The following ECHDC1 variants were observed in gnomAD, a reference collection of about 807,000 sequenced individuals.
The protein encoded by ECHDC1 is ethylmalonyl-CoA decarboxylase 1.
In ECHDC1, 29 loss-of-function variants were observed where a neutral mutation model predicts 29.7. That is an observed-to-expected ratio of 0.98 (90% CI 0.73 to 1.33). The LOEUF (loss-of-function observed/expected upper bound fraction) is 1.33, where lower values mean the gene tolerates loss of function less well. Among genes scored for constraint, ECHDC1 ranks in the 40% most tolerant of loss-of-function variants. ECHDC1 has a pLI of 0.00. For missense variants in ECHDC1, 328 were observed against 350.0 expected, an observed-to-expected ratio of 0.94 and a Z score of 0.50; for synonymous variants, 126 against 123.1, an observed-to-expected ratio of 1.02 and a Z score of -0.15.
chr6:127,292,130 T>C (rs1027020092), intron 5 of ECHDC1, among the ~76,000 whole-genome samples: 53 of 152,072 alleles, frequency 3.5e-4, no homozygotes, highest in Non-Finnish European at 1.6e-4. Context: ...CTGTTCTGAA[T>C]TGAATCCTAG....
intron 3 of ECHDC1, chr6:127,326,445 T>G (rs1783341692): frequency 2.4e-6 from 1 of 420,260 alleles, no homozygotes; most frequent in Non-Finnish European, 4.9e-6. Flanking sequence ...TTTAGAGCAG[T>G]GTGAGAACAG....
intron 5 of ECHDC1, 124 bp from the exon 6 acceptor site, chr6:127,290,401 A>T (rs1025759996): frequency 1.0e-6 from 1 of 978,816 alleles, no homozygotes; most frequent in Admixed American, 3.0e-5. Flanking sequence ...TATTAAAAAC[A>T]ATGTTTGAAA....
chr6:127,341,629 T>C (rs1376665792), intron 1 of ECHDC1: 3 of 152,118 alleles, frequency 2.0e-5, no homozygotes, highest in African/African-American at 4.8e-5. Flanking sequence ...ACAAGCTCAC[T>C]ACCAAGCCAC....
intron 5 of ECHDC1, among the ~76,000 whole-genome samples, chr6:127,311,220 T>G (rs1781874216): frequency 6.6e-6 from 1 of 152,146 alleles, no homozygotes; most frequent in African/African-American, 2.4e-5. Context: ...ACACTGACTA[T>G]GTATATGGAA....
chr6:127,303,523 A>G (rs1781215231), intron 5 of ECHDC1, among the ~76,000 whole-genome samples: 1 of 152,200 alleles, frequency 6.6e-6, no homozygotes, highest in African/African-American at 2.4e-5. Flanking sequence ...ACTCTCTTCA[A>G]CACTACAAAG....
intron 5 of ECHDC1, among the ~76,000 whole-genome samples, chr6:127,300,922 G>C (rs906816107): frequency 2.0e-5 from 3 of 152,138 alleles, no homozygotes; most frequent in Non-Finnish European, 4.4e-5. Context: ...ACATGTATTA[G>C]CATTTTCTTA....
At chr6:127,325,105 A>G (rs1582988965) in intron 3 of ECHDC1, among the ~76,000 whole-genome samples, 2 of 152,338 alleles carry the variant, frequency 1.3e-5, no homozygotes, top group East Asian at 3.9e-4. Flanking sequence ...CCTTGACAGC[A>G]TATTCCCTTG....
intron 5 of ECHDC1, among the ~76,000 whole-genome samples, chr6:127,291,016 G>A (rs576130403): frequency 3.9e-5 from 6 of 152,234 alleles, no homozygotes; most frequent in African/African-American, 1.4e-4. Context: ...GATGTTCCAG[G>A]AAGAAGGAAT....
chr6:127,336,790 T>G (rs917457287), intron 1 of ECHDC1, among the ~76,000 whole-genome samples: 19 of 152,154 alleles, frequency 1.2e-4, no homozygotes, highest in Non-Finnish European at 2.1e-4. Flanking sequence ...TTACAAAGTG[T>G]GAAGTGGTTA....
intron 5 of ECHDC1, among the ~76,000 whole-genome samples, chr6:127,307,657 A>AAAAAAAAAAAAAAAAAAAAAAAC (rs1781548020): frequency 6.7e-6 from 1 of 149,568 alleles, no homozygotes; most frequent in Non-Finnish European, 1.5e-5. Context: ...AGAAAAAAAA[A>AAAAAAAAAAAAAAAAAAAAAAAC]AAAAAGACAG....
At chr6:127,303,537 G>A (rs985032614) in intron 5 of ECHDC1, among the ~76,000 whole-genome samples, 2 of 152,186 alleles carry the variant, frequency 1.3e-5, no homozygotes, top group Non-Finnish European at 2.9e-5. Context: ...TACAAAGGCT[G>A]AGAGTGGTAA....
intron 5 of ECHDC1, among the ~76,000 whole-genome samples, chr6:127,292,387 CT>C (rs1780267987): frequency 6.6e-6 from 1 of 151,950 alleles, no homozygotes; most frequent in Admixed American, 6.6e-5. Flanking sequence ...TAAAGTGTGT[CT>C]TTTGGAATCA....
At chr6:127,331,959 T>C (rs933346302) in intron 1 of ECHDC1, 1 of 782,438 alleles carries the variant, frequency 1.3e-6, no homozygotes, top group Non-Finnish European at 1.6e-6. Flanking sequence ...TTTTACCTCC[T>C]GAGTAATCTC....
intron 3 of ECHDC1, among the ~76,000 whole-genome samples, chr6:127,318,640 G>A (rs908879901): frequency 2.6e-5 from 4 of 152,206 alleles, no homozygotes; most frequent in African/African-American, 9.7e-5. Flanking sequence ...CTTTAGAGAG[G>A]AGAAGGGAAG....
intron 5 of ECHDC1, among the ~76,000 whole-genome samples, chr6:127,291,771 G>A (rs960176234): frequency 6.6e-6 from 1 of 152,054 alleles, no homozygotes; most frequent in Non-Finnish European, 1.5e-5. Context: ...TGACCCGAGA[G>A]AATTCTGACA....
chr6:127,314,835 T>C lies in ECHDC1; in HGVS notation c.478A>G (p.Thr160Ala). 6.2e-7 allele frequency: 1 copy of C among 1,610,766 alleles called. No individual in the cohort carries two copies. Among genetic ancestry groups the C allele is most frequent in the Non-Finnish European group, 8.5e-7 (1 of 1,178,558 alleles). ...TCCTACCTGAAATCACATGCTGTAG[T>C]AAATTCTGCTCCTCCACCCAATGCC... The part of the protein sequence containing the change: ...GWALGGGAEF[T>A]TACDFRLMTP... The change falls in exon 5 of 6, where the codon ACT (threonine) becomes GCT (alanine). Residue 160 changes from threonine to alanine, a missense_variant. Thr to Ala is a moderately conservative substitution (Grantham distance 58, BLOSUM62 0). Transcript: ENST00000454859.
At chr6:127,291,723 T>C (rs952689466) in intron 5 of ECHDC1, among the ~76,000 whole-genome samples, 1 of 152,138 alleles carries the variant, frequency 6.6e-6, no homozygotes, top group African/African-American at 2.4e-5. Context: ...TGCAGGTGAT[T>C]TGGTTCTATT....
chr6:127,315,935 T>C, intron 4 of ECHDC1: 1 of 470,738 alleles, frequency 2.1e-6, no homozygotes, highest in South Asian at 1.5e-5. Flanking sequence ...CAAACATACC[T>C]TGATAGGCCA....
At chr6:127,299,685 T>C (rs1780903431) in intron 5 of ECHDC1, among the ~76,000 whole-genome samples, 1 of 152,132 alleles carries the variant, frequency 6.6e-6, no homozygotes. Flanking sequence ...CCTGAGGCTG[T>C]TTACATTTAA....
Sources: gnomAD v4.1 joint callset for allele counts (sites outside exome capture counted in the v4.1 genomes callset) on GRCh38, gnomAD v4.1.1 for gene constraint, MANE v1.5 for transcripts, NCBI Gene and HGNC (gene_info 2026-07-23, HGNC 2026-07-21) for gene names.